SLC12A8: variants seen among roughly 807,000 people sequenced by gnomAD.
SLC12A8 encodes solute carrier family 12 member 8, also known as cation-chloride cotransporter 9.
SLC12A8 carries 69 observed loss-of-function variants against 75.6 expected under a neutral mutation model. The observed-to-expected ratio is 0.91, with a 90% CI of 0.75 to 1.11. SLC12A8 has a LOEUF of 1.11. Among genes scored for constraint, SLC12A8 ranks in the 50% most tolerant of loss-of-function variants. The probability of loss-of-function intolerance (pLI) is 0.00; values close to 1 mark genes in which losing one functional copy is unlikely to be tolerated. For missense variants in SLC12A8, 877 were observed against 896.7 expected (o/e 0.98, Z 0.28); for synonymous variants, 365 against 372.8 (o/e 0.98, Z 0.24).
chr3:125,118,829 G>C lies in SLC12A8; in HGVS notation c.852C>G (p.Phe284Leu), dbSNP rs1932972311. 6.2e-7 allele frequency: 1 copy of C among 1,613,584 alleles called. No individual in the cohort carries two copies. The highest frequency in any genetic ancestry group is 1.3e-5 in the African/African-American group (1 of 74,858). The change falls in exon 8 of 14, where the codon TTC becomes TTG. Residue 284 changes from phenylalanine to leucine, a missense_variant. Physicochemically the swap from Phe to Leu is conservative, Grantham distance 22. Coordinates refer to ENST00000469902, the MANE Select transcript of SLC12A8 (RefSeq NM_024628.6). ...ISWFLYIIFV[F>L]LLGAICTREA... is the part of the protein sequence containing the mutation. ...CTCGAGTGCAGATGGCGCCCAGGAG[G>C]AAGACGAAGATGATGTACAGAAACC...
chr3:125,117,477 T>A (rs1030495358), intron 8 of SLC12A8, among the ~76,000 whole-genome samples: 1 of 150,232 alleles, frequency 6.7e-6, no homozygotes, highest in East Asian at 1.9e-4. Context: ...ATGTCTGTAG[T>A]CCTGGCTACT....
chr3:125,197,625 T>A (rs1425022054), intron 2 of SLC12A8, among the ~76,000 whole-genome samples: 2 of 152,182 alleles, frequency 1.3e-5, no homozygotes, highest in African/African-American at 4.8e-5. Context: ...TTCTGCTCAT[T>A]GTCACTGAGT....
In SLC12A8 at chr3:125,187,341, CGACGCCAATGCCA is replaced by C. The variant is rs1560080275; in HGVS notation, c.273_285del (p.Ile93SerfsTer13). On this transcript the variant is annotated frameshift_variant, in exon 4 of 14. Transcript: ENST00000469902. LOFTEE classifies it high-confidence loss of function. ...CCGCTGCCGATGCTGCTGCGCTCCC[CGACGCCAATGCCA>C]GACAGCACCGTGACGAGGGCCACCA... 1 of 1,614,216 alleles carries C rather than the reference CGACGCCAATGCCA, an allele frequency of 6.2e-7. No individual in the cohort carries two copies. The highest frequency in any genetic ancestry group is 1.3e-5 in the African/African-American group (1 of 75,054).
intron 5 of SLC12A8, among the ~76,000 whole-genome samples, chr3:125,142,128 A>G (rs1169171968): frequency 3.3e-5 from 5 of 152,104 alleles, no homozygotes; most frequent in Non-Finnish European, 7.4e-5. Flanking sequence ...CCTCACGGAG[A>G]CGGGGATCTG....
Position 125,193,263 on chromosome 3 carries a change from G to A in SLC12A8, c.52-2742C>T, listed in dbSNP as rs755354249. On this transcript the variant is annotated intron_variant, in intron 2 of 13. Transcript: ENST00000469902. ...TGTGTGCCTGTAGTCCCAGCTACTC[G>A]GGAGGCTGAGGCATGAGAATCACTT... 2.6e-5 allele frequency among the ~76,000 whole-genome samples: 4 copies of A among 152,164 alleles called. No homozygotes were observed. In the East Asian group the frequency reaches 7.7e-4, roughly 29 times the overall value.
chr3:125,195,425 C>T (rs1019367713), intron 2 of SLC12A8, among the ~76,000 whole-genome samples: 7 of 152,146 alleles, frequency 4.6e-5, no homozygotes, highest in African/African-American at 1.4e-4. Flanking sequence ...CAATTGGAGC[C>T]GTCAAAGTCT....
intron 4 of SLC12A8, among the ~76,000 whole-genome samples, chr3:125,184,297 A>C (rs973555042): frequency 6.6e-6 from 1 of 152,186 alleles, no homozygotes; most frequent in East Asian, 1.9e-4. Context: ...CATTACTTTA[A>C]GTGTTAATAT....
intron 9 of SLC12A8, 47 bp downstream of exon 9, chr3:125,110,142 A>T (rs538367882): frequency 6.3e-7 from 1 of 1,586,842 alleles, no homozygotes; most frequent in East Asian, 2.3e-5. Context: ...TGAGGTTAGC[A>T]GCAAAACATG....
At chr3:125,187,890 AC>A (rs1341867545) in intron 3 of SLC12A8, among the ~76,000 whole-genome samples, 1 of 151,890 alleles carries the variant, frequency 6.6e-6, no homozygotes, top group African/African-American at 2.4e-5. Context: ...TGGCCCTGTA[AC>A]CCTTTCTCTG....
chr3:125,135,524 A>C, intron 6 of SLC12A8, 145 bp downstream of exon 6: 1 of 498,290 alleles, frequency 2.0e-6, no homozygotes, highest in Non-Finnish European at 3.6e-6. Context: ...CAGATAAAAT[A>C]ACAAAATTTT....
chr3:125,140,527 A>T (rs1383066702), intron 5 of SLC12A8, among the ~76,000 whole-genome samples: 1 of 152,032 alleles, frequency 6.6e-6, no homozygotes, highest in Non-Finnish European at 1.5e-5. Context: ...TAGGGCAGAC[A>T]GGAGTCCTAT....
In SLC12A8 at chr3:125,194,215, G is replaced by A. The variant is rs982514967; in HGVS notation, c.52-3694C>T. On this transcript the variant is annotated intron_variant, in intron 2 of 13. Transcript: ENST00000469902. ...CCAGCTTGACAGGTTCCAGGGGTGC[G>A]GCGACTTGGCGCCTGGCCCAGGATG... Among the ~76,000 whole-genome samples the A allele has an allele frequency of 2.1e-4, 32 of 152,320 alleles. No individual in the cohort carries two copies. In the Middle Eastern group the frequency reaches 0.017, roughly 81 times the overall value.
intron 5 of SLC12A8, chr3:125,151,443 C>T (rs975842070): frequency 6.5e-6 from 1 of 154,210 alleles, no homozygotes; most frequent in Non-Finnish European, 1.5e-5. Flanking sequence ...AGATACTTTC[C>T]GATTCTCTGC....
chr3:125,200,276 C>T (rs371935041), intron 2 of SLC12A8, among the ~76,000 whole-genome samples: 10 of 152,156 alleles, frequency 6.6e-5, no homozygotes, highest in African/African-American at 1.7e-4. Context: ...GGCGAAACCC[C>T]GTCTCTACTA....
At chr3:125,187,468 G>A (rs972689735) in intron 3 of SLC12A8, 40 bp from the exon 4 acceptor site, 3 of 1,590,498 alleles carry the variant, frequency 1.9e-6, no homozygotes, top group African/African-American at 1.3e-5. Flanking sequence ...GATTAGGTGA[G>A]GAGGCCCCGC....
At chr3:125,109,303 A>G (rs953725521) in intron 9 of SLC12A8, among the ~76,000 whole-genome samples, 5 of 152,188 alleles carry the variant, frequency 3.3e-5, no homozygotes, top group Non-Finnish European at 7.3e-5. Context: ...CAACTTCCAA[A>G]TTTGAATCTC....
chr3:125,168,996 C>T (rs1229017211), intron 5 of SLC12A8, among the ~76,000 whole-genome samples: 1 of 152,148 alleles, frequency 6.6e-6, no homozygotes, highest in Non-Finnish European at 1.5e-5. Flanking sequence ...GGAGTGGAAC[C>T]CTGTAGAGAC....
chr3:125,192,914 C>T (rs1360523793), intron 2 of SLC12A8, among the ~76,000 whole-genome samples: 1 of 152,038 alleles, frequency 6.6e-6, no homozygotes, highest in African/African-American at 2.4e-5. Context: ...AGAGACACTA[C>T]ATAAGCCCAG....
intron 5 of SLC12A8, among the ~76,000 whole-genome samples, chr3:125,139,329 T>C (rs537264879): frequency 2.0e-5 from 3 of 152,340 alleles, no homozygotes; most frequent in African/African-American, 7.2e-5. Flanking sequence ...TCTAACTCTT[T>C]GACCAAGCGC....
Sources: gnomAD v4.1 joint callset for allele counts (sites outside exome capture counted in the v4.1 genomes callset) on GRCh38, gnomAD v4.1.1 for gene constraint, MANE v1.5 for transcripts, NCBI Gene and HGNC (gene_info 2026-07-23, HGNC 2026-07-21) for gene names.